The following ERMP1 variants were observed in gnomAD, a reference collection of about 807,000 sequenced individuals.
The protein encoded by ERMP1 is Felix-ina.
ERMP1 carries 86 observed loss-of-function variants against 92.0 expected under a neutral mutation model. That is an observed-to-expected ratio of 0.93 (90% CI 0.79 to 1.12). The LOEUF (loss-of-function observed/expected upper bound fraction) is 1.12. ERMP1 is among the 50% of genes most tolerant of loss of function. The pLI, the probability that ERMP1 is intolerant of heterozygous loss-of-function variation, is 0.00. For synonymous variants in ERMP1, 530 were observed against 412.8 expected (o/e 1.28, Z -3.44); for missense variants, 1,342 against 1,116.3 (o/e 1.20, Z -2.88).
At position 5,810,036 on chromosome 9, in the gene ERMP1, G is replaced by T; in HGVS notation, c.1523C>A (p.Thr508Asn). ...CATGTAATAAAATCTTTTCGCAAGA[G>T]TATGTATAAGTATTATTTTGGCTAC... ...ATVAKIILIH[T>N]LAKRFYYMNA... Residue 508 changes from threonine (T) to asparagine (N), a missense_variant, in exon 8 of 15, where the codon ACT (threonine) becomes AAT (asparagine). Transcript: ENST00000339450. 1 of 1,610,806 alleles carries T rather than the reference G, an allele frequency of 6.2e-7. No individual in the cohort carries two copies. Among genetic ancestry groups the T allele is most frequent in the Non-Finnish European group, 8.5e-7 (1 of 1,177,260 alleles).
intron 4 of ERMP1, 63 bp downstream of exon 4, chr9:5,823,833 A>C (rs1829633218): frequency 1.8e-6 from 2 of 1,128,884 alleles, no homozygotes; most frequent in Non-Finnish European, 2.6e-6. Context: ...TTATAATCAA[A>C]AACTTTCTAC....
At chr9:5,834,971 A>G (rs188318960), upstream of ERMP1, among the ~76,000 whole-genome samples, 2 of 126,076 alleles carry the variant, frequency 1.6e-5, no homozygotes, top group Non-Finnish European at 3.4e-5. Context: ...ATAGATGGAT[A>G]GATAGATGTG....
chr9:5,847,743 A>C (rs1830255927), intron 6 of ERMP1, among the ~76,000 whole-genome samples: 1 of 151,900 alleles, frequency 6.6e-6, no homozygotes, highest in African/African-American at 2.4e-5. Flanking sequence ...CAAATACAAA[A>C]AATTAGCCGG....
chr9:5,861,199 G>GTGTGTGTGTGTGTGTGTGTA (rs1356795332), intron 5 of ERMP1, among the ~76,000 whole-genome samples: 17 of 146,656 alleles, frequency 1.2e-4, no homozygotes, highest in African/African-American at 4.2e-4. Context: ...GTGTGTGTGT[G>GTGTGTGTGTGTGTGTGTGTA]TGTGTGTGTG....
Position 5,805,155 on chromosome 9 carries a change from A to G in ERMP1, c.1786T>C (p.Leu596=), listed in dbSNP as rs768894884. The G allele has an allele frequency of 8.7e-6, 14 of 1,613,546 alleles. 1 individual carries two copies. The East Asian group carries it at 1.1e-4, about 13-fold the overall frequency. ...TCAAATACTGCCCAGATGAGGTACA[A>G]TGCATAAAGATAAGGAATAAACATC... ...LGMFIPYLYA[L]YLIWAVFEMF... Residue 596 remains leucine, a synonymous_variant, in exon 10 of 15, where the codon TTG becomes CTG. Transcript: ENST00000339450.
intron 2 of ERMP1, among the ~76,000 whole-genome samples, chr9:5,829,004 G>A (rs959154417): frequency 6.6e-6 from 1 of 151,916 alleles, no homozygotes; most frequent in East Asian, 1.9e-4. Context: ...AGAAATTTGG[G>A]AGACTGAGGT....
chr9:5,798,529 T>C (rs1451015026), intron 12 of ERMP1, among the ~76,000 whole-genome samples: 1 of 152,078 alleles, frequency 6.6e-6, no homozygotes, highest in African/African-American at 2.4e-5. Flanking sequence ...ATTTTTGAGA[T>C]AGATGCTTAT....
intron 10 of ERMP1, among the ~76,000 whole-genome samples, chr9:5,804,663 T>G (rs1299702725): frequency 6.6e-6 from 1 of 152,172 alleles, no homozygotes; most frequent in Non-Finnish European, 1.5e-5. Flanking sequence ...AACATGTGCC[T>G]CTAATTAGTA....
intron 6 of ERMP1, chr9:5,856,286 T>C: frequency 3.8e-6 from 1 of 264,292 alleles, no homozygotes; most frequent in South Asian, 4.5e-5. Context: ...TCTCTGTTTA[T>C]TGTTTTGCCA....
chr9:5,818,527 G>C (rs934987023), intron 4 of ERMP1, among the ~76,000 whole-genome samples: 12 of 152,010 alleles, frequency 7.9e-5, no homozygotes, highest in Non-Finnish European at 1.5e-4. Context: ...ACCAGCCTGG[G>C]CAACACAGTG....
intron 6 of ERMP1, among the ~76,000 whole-genome samples, chr9:5,851,059 A>T (rs1409335984): frequency 1.3e-5 from 2 of 152,132 alleles, no homozygotes; most frequent in Non-Finnish European, 2.9e-5. Flanking sequence ...CCTCTTTTAG[A>T]CCCTTCAGAA....
chr9:5,859,678 A>G (rs1563785645), intron 5 of ERMP1, among the ~76,000 whole-genome samples: 2 of 152,216 alleles, frequency 1.3e-5, no homozygotes, highest in Non-Finnish European at 2.9e-5. Flanking sequence ...CAACTTACCC[A>G]TAACTATTTC....
intron 6 of ERMP1, among the ~76,000 whole-genome samples, chr9:5,845,359 T>G (rs1021952648): frequency 6.6e-6 from 1 of 152,096 alleles, no homozygotes; most frequent in Non-Finnish European, 1.5e-5. Context: ...AACCAGGAGT[T>G]CAAGACCAGC....
At chr9:5,805,555 A>C (rs1828837628) in intron 9 of ERMP1, 56 bp downstream of exon 9, 1 of 1,414,386 alleles carries the variant, frequency 7.1e-7, no homozygotes, top group African/African-American at 1.5e-5. Context: ...AGTCCCTGAA[A>C]GCCTTAAGTA....
intron 13 of ERMP1, among the ~76,000 whole-genome samples, chr9:5,793,093 C>T (rs1272446404): frequency 2.0e-5 from 3 of 151,982 alleles, no homozygotes; most frequent in Admixed American, 6.6e-5. Context: ...TGTGCACACA[C>T]GCTTCTGTAT....
intron 4 of ERMP1, among the ~76,000 whole-genome samples, chr9:5,822,847 C>T (rs1829591256): frequency 6.6e-6 from 1 of 152,054 alleles, no homozygotes; most frequent in Admixed American, 6.5e-5. Context: ...TTAATTTTTG[C>T]ATGTGTGAAA....
intron 4 of ERMP1, among the ~76,000 whole-genome samples, chr9:5,816,127 C>T (rs1468727839): frequency 6.6e-6 from 1 of 152,114 alleles, no homozygotes; most frequent in Non-Finnish European, 1.5e-5. Flanking sequence ...CCACCCTCTT[C>T]CATGAGACAG....
chr9:5,807,032 A>C (rs1828896947), intron 8 of ERMP1, among the ~76,000 whole-genome samples: 1 of 152,172 alleles, frequency 6.6e-6, no homozygotes. Flanking sequence ...TAAGAAAATT[A>C]TTATTATAGT....
At chr9:5,847,108 G>A (rs112542390) in intron 6 of ERMP1, among the ~76,000 whole-genome samples, 1 of 152,212 alleles carries the variant, frequency 6.6e-6, no homozygotes, top group African/African-American at 2.4e-5. Context: ...AGAGACGCCA[G>A]TAAATTGAAT....
Sources: allele counts gnomAD v4.1 joint callset (sites outside exome capture counted in the v4.1 genomes callset), GRCh38; gene constraint gnomAD v4.1.1; transcripts MANE v1.5; gene names NCBI Gene and HGNC (gene_info 2026-07-23, HGNC 2026-07-21).